The following OPN3 variants were observed in gnomAD, a reference collection of about 807,000 sequenced individuals.
OPN3 encodes opsin 3, also known as opsin-3.
Under a neutral mutation model 33.8 loss-of-function variants are expected in OPN3, and 29 were observed. The observed-to-expected ratio is 0.86, with a 90% CI of 0.64 to 1.17. The LOEUF is 1.17. OPN3 is among the 50% of genes most tolerant of loss of function. The pLI is 0.00. For synonymous variants in OPN3, 216 were observed against 216.1 expected, an observed-to-expected ratio of 1.00 and a Z score of 0.00; for missense variants, 437 against 514.1, an observed-to-expected ratio of 0.85 and a Z score of 1.45.
At chr1:241,635,072 T>A (rs1318920385) in intron 1 of OPN3, 1 of 1,612,934 alleles carries the variant, frequency 6.2e-7, no homozygotes, top group Non-Finnish European at 8.5e-7. Context: ...TGACACCAAA[T>A]CAATATTAAA....
chr1:241,639,899 A>C lies in OPN3; in HGVS notation c.356T>G (p.Phe119Cys), dbSNP rs763702125. The C allele has an allele frequency of 1.3e-6, 2 of 1,590,772 alleles. No homozygotes were observed. Among genetic ancestry groups the C allele is most frequent in the Non-Finnish European group, 1.7e-6 (2 of 1,168,900 alleles). Reference protein sequence around the residue: ...WDTVGCVWDGFSGSLFGIVSI... With the variant: ...WDTVGCVWDGCSGSLFGIVSI... Reference sequence around the variant, plus strand: ...CAACTCACCGAAGAGGCTGCCGCTAAACCCGTCCCACACGCAGCCCACGGT... The same window carrying C: ...CAACTCACCGAAGAGGCTGCCGCTACACCCGTCCCACACGCAGCCCACGGT... The change falls in exon 1 of 4, where the codon TTT becomes TGT. Residue 119 changes from phenylalanine to cysteine, a missense_variant. Phe to Cys is a radical substitution (Grantham distance 205, BLOSUM62 -2). Transcript: ENST00000366554.
At position 241,606,836 on chromosome 1, in the gene OPN3, C is replaced by T. The variant is rs74150332; in HGVS notation, c.374-2257G>A. On this transcript the variant is annotated intron_variant, in intron 1 of 3. Coordinates refer to ENST00000366554, the MANE Select transcript of OPN3 (RefSeq NM_014322.3). ...GGGAGAAAAGGGTGTGGGTGGCAAA[C>T]GGGTTAAGAGGCCTGGAGGCAAGTC... Among the ~76,000 whole-genome samples the T allele has an allele frequency of 5.7e-3, 868 of 152,220 alleles. 9 individuals are homozygous for T. Among genetic ancestry groups the T allele is most frequent in the African/African-American group, 0.02 (824 of 41,552 alleles).
intron 1 of OPN3, among the ~76,000 whole-genome samples, chr1:241,619,070 T>TG (rs1165481605): frequency 6.6e-6 from 1 of 152,088 alleles, no homozygotes; most frequent in Non-Finnish European, 1.5e-5. Flanking sequence ...CTTTTATGTG[T>TG]GAAACCCTTC....
At chr1:241,639,794 G>A in intron 1 of OPN3, 88 bp downstream of exon 1, 3 of 1,269,342 alleles carry the variant, frequency 2.4e-6, no homozygotes, top group South Asian at 1.6e-5. Flanking sequence ...GGTGCGGGGC[G>A]GGCTGGGGGG....
chr1:241,629,462 T>C (rs1305396963), intron 1 of OPN3: 3 of 152,174 alleles, frequency 2.0e-5, no homozygotes, highest in Admixed American at 2.0e-4. Flanking sequence ...ATATCATTTA[T>C]ACACGATCGC....
At chr1:241,623,671 C>T (rs1411623450) in intron 1 of OPN3, among the ~76,000 whole-genome samples, 1 of 152,200 alleles carries the variant, frequency 6.6e-6, no homozygotes, top group Non-Finnish European at 1.5e-5. Context: ...TAGACATTCT[C>T]GATTTCTTTC....
intron 1 of OPN3, among the ~76,000 whole-genome samples, chr1:241,628,469 A>G (rs974199845): frequency 1.3e-5 from 2 of 152,284 alleles, no homozygotes; most frequent in Admixed American, 1.3e-4. Context: ...CAGTCCCCCA[A>G]GATCTGGCCT....
rs1421767267 is a variant in OPN3, at chr1:241,594,183, G to A, written c.*245C>T. On this transcript the variant is annotated 3_prime_UTR_variant, in exon 4 of 4. Transcript: ENST00000366554. ...CTCCAACACATTAGAAGATGATGAT[G>A]TTAGATGCCCATCGTGTGCCACAAG... The A allele has an allele frequency of 6.8e-6, 3 of 441,190 alleles. No individual in the cohort carries two copies. The highest frequency in any genetic ancestry group is 4.0e-5 in the African/African-American group (2 of 49,886). 27.3% of individuals were successfully genotyped at this position (441,190 alleles called of 1,614,324 possible). A position where few individuals can be genotyped will look rare whatever the true frequency, so the allele number is the denominator to read the frequency against.
intron 1 of OPN3, among the ~76,000 whole-genome samples, chr1:241,605,856 A>C (rs887153648): frequency 2.0e-5 from 3 of 152,250 alleles, no homozygotes; most frequent in Admixed American, 6.5e-5. Context: ...AGAGAGCCAC[A>C]TTGACAAAGG....
chr1:241,615,725 C>A (rs890480338), intron 1 of OPN3: 1 of 405,848 alleles, frequency 2.5e-6, no homozygotes, highest in Non-Finnish European at 5.1e-6. Flanking sequence ...CATCCCAGAT[C>A]TCCGTGACTC....
chr1:241,612,942 A>G (rs1051199750), intron 1 of OPN3, among the ~76,000 whole-genome samples: 1 of 152,108 alleles, frequency 6.6e-6, no homozygotes, highest in Non-Finnish European at 1.5e-5. Flanking sequence ...GGTCTCCTCC[A>G]TCTCATCGCT....
chr1:241,618,095 TGTTA>T (rs78048196), intron 1 of OPN3, among the ~76,000 whole-genome samples: 13,224 of 152,102 alleles, frequency 0.087, 707 homozygotes, highest in African/African-American at 0.15. Flanking sequence ...ACAAAGTAGG[TGTTA>T]GAACAAGGCT....
In OPN3 at chr1:241,617,004, C is replaced by T. The variant is rs1449280919; in HGVS notation, c.374-12425G>A. On this transcript the variant is annotated intron_variant, in intron 1 of 3. Transcript: ENST00000366554. ...TGTTGGATTTATCATCTCTTATTCT[C>T]TAATCAAAATAATACATTATAATAA... Among the ~76,000 whole-genome samples, 2 of 152,166 alleles carry T rather than the reference C, an allele frequency of 1.3e-5. 1 individual carries two copies. The highest frequency in any genetic ancestry group is 2.9e-5 in the Non-Finnish European group (2 of 68,030).
intron 3 of OPN3, among the ~76,000 whole-genome samples, chr1:241,597,221 C>T (rs535706637): frequency 6.6e-6 from 1 of 152,164 alleles, no homozygotes; most frequent in Non-Finnish European, 1.5e-5. Flanking sequence ...GTATCTATAA[C>T]CCCAAGTGAG....
At chr1:241,620,211 C>A (rs1035173123) in intron 1 of OPN3, among the ~76,000 whole-genome samples, 8 of 151,474 alleles carry the variant, frequency 5.3e-5, no homozygotes, top group Admixed American at 4.0e-4. Context: ...TAATTATAAA[C>A]CCTAGAGCAG....
At chr1:241,623,405 C>A (rs1160361431) in intron 1 of OPN3, among the ~76,000 whole-genome samples, 1 of 152,182 alleles carries the variant, frequency 6.6e-6, no homozygotes, top group African/African-American at 2.4e-5. Context: ...TCCATTCTTG[C>A]CTCTCCTCGA....
chr1:241,633,981 G>A, intron 1 of OPN3: 1 of 1,613,966 alleles, frequency 6.2e-7, no homozygotes. Flanking sequence ...TCCTGGAAAA[G>A]TGTTTCAGCT....
chr1:241,628,603 C>T (rs1033981100), intron 1 of OPN3, among the ~76,000 whole-genome samples: 5 of 152,072 alleles, frequency 3.3e-5, no homozygotes, highest in African/African-American at 9.7e-5. Context: ...TAGTATATGA[C>T]GTCTTCATGC....
chr1:241,636,489 GGC>G (rs1218890390), intron 1 of OPN3, among the ~76,000 whole-genome samples: 1 of 152,082 alleles, frequency 6.6e-6, no homozygotes, highest in Admixed American at 6.6e-5. Context: ...ATATTTCTGT[GGC>G]CATTACAGTC....
Sources: allele counts gnomAD v4.1 joint callset (sites outside exome capture counted in the v4.1 genomes callset), GRCh38; gene constraint gnomAD v4.1.1; transcripts MANE v1.5; gene names NCBI Gene and HGNC (gene_info 2026-07-23, HGNC 2026-07-21).